The following CHRM2 variants were observed in gnomAD, a reference collection of about 807,000 sequenced individuals.
CHRM2 encodes the protein muscarinic acetylcholine receptor M2.
CHRM2 carries 8 observed loss-of-function variants against 25.0 expected under a neutral mutation model. The ratio of observed to expected loss-of-function variants is 0.32; its 90% CI spans 0.19 to 0.58. The LOEUF (loss-of-function observed/expected upper bound fraction) is 0.58. Among genes scored for constraint, CHRM2 ranks in the 20% least tolerant of loss-of-function variants. The pLI is 0.88. For synonymous variants in CHRM2, 202 were observed against 205.7 expected (o/e 0.98, Z 0.15); for missense variants, 440 against 567.1 (o/e 0.78, Z 2.28).
chr7:136,897,671 T>C (rs1331052697), intron 2 of CHRM2, among the ~76,000 whole-genome samples: 2 of 151,848 alleles, frequency 1.3e-5, no homozygotes, highest in African/African-American at 4.8e-5. Context: ...CGAGCCATTT[T>C]TAGCAAGCAT....
chr7:136,872,292 A>G (rs764718105), intron 2 of CHRM2, among the ~76,000 whole-genome samples: 3 of 152,226 alleles, frequency 2.0e-5, no homozygotes, highest in Non-Finnish European at 4.4e-5. Flanking sequence ...AAGGGAACCC[A>G]AAGAGCATGT....
At chr7:136,941,307 C>T (rs1057286497) in intron 2 of CHRM2, among the ~76,000 whole-genome samples, 1 of 152,166 alleles carries the variant, frequency 6.6e-6, no homozygotes, top group Non-Finnish European at 1.5e-5. Context: ...AGAGTCATTA[C>T]TTTTAGAACC....
chr7:136,930,898 C>CAAAAAAAAAAAAAAAAAAAAAAA (rs57705639), intron 2 of CHRM2, among the ~76,000 whole-genome samples: 8 of 61,150 alleles, frequency 1.3e-4, no homozygotes, highest in Non-Finnish European at 2.2e-4. Context: ...CTCATTCTCT[C>CAAAAAAAAAAAAAAAAAAAAAAA]AAAAAAAAAA....
intron 2 of CHRM2, among the ~76,000 whole-genome samples, chr7:136,965,874 C>T (rs1801382834): frequency 6.6e-6 from 1 of 151,692 alleles, no homozygotes; most frequent in South Asian, 2.1e-4. Context: ...GGGAATACAC[C>T]TAAATGAGCC....
intron 2 of CHRM2, among the ~76,000 whole-genome samples, chr7:136,962,593 T>A (rs1801169658): frequency 1.3e-5 from 2 of 152,220 alleles, no homozygotes; most frequent in Admixed American, 1.3e-4. Flanking sequence ...ACTGTCCACT[T>A]AATTGAAAGT....
intron 2 of CHRM2, among the ~76,000 whole-genome samples, chr7:136,982,782 T>C (rs324619): frequency 0.85 from 129,150 of 152,136 alleles, 55,733 homozygotes; most frequent in Middle Eastern, 0.97. Flanking sequence ...CACTCTCTTC[T>C]GGCTTGTAGG....
At chr7:136,995,844 T>C (rs1803562252) in intron 3 of CHRM2, among the ~76,000 whole-genome samples, 1 of 151,792 alleles carries the variant, frequency 6.6e-6, no homozygotes, top group Non-Finnish European at 1.5e-5. Flanking sequence ...TCTAAAGTCA[T>C]ATAAATTAGC....
intron 2 of CHRM2, chr7:136,871,890 C>T: frequency 6.6e-6 from 1 of 152,048 alleles, no homozygotes; most frequent in East Asian, 1.9e-4. Context: ...AAATTAATGC[C>T]AGGTGAATTA....
chr7:136,950,989 TG>T (rs1046678504), intron 2 of CHRM2: 2 of 152,338 alleles, frequency 1.3e-5, no homozygotes, highest in African/African-American at 4.8e-5. Context: ...TTTATTTTTT[TG>T]CATATTGCCT....
intron 2 of CHRM2, among the ~76,000 whole-genome samples, chr7:136,892,271 G>C (rs1796721274): frequency 6.6e-6 from 1 of 152,166 alleles, no homozygotes; most frequent in Admixed American, 6.5e-5. Flanking sequence ...CTTGATACAT[G>C]AATTGAGAAT....
At chr7:136,946,013 C>T (rs1800052673) in intron 2 of CHRM2, among the ~76,000 whole-genome samples, 1 of 152,068 alleles carries the variant, frequency 6.6e-6, no homozygotes, top group African/African-American at 2.4e-5. Flanking sequence ...GAGAACCAGA[C>T]TAGGGACTGC....
chr7:136,893,026 TTCTC>T (rs904654432), intron 2 of CHRM2, among the ~76,000 whole-genome samples: 3 of 152,066 alleles, frequency 2.0e-5, no homozygotes, highest in Admixed American at 6.6e-5. Flanking sequence ...TCTTCTCTTG[TTCTC>T]TCTCTCTTGT....
chr7:136,960,452 T>C (rs1466076844), intron 2 of CHRM2, among the ~76,000 whole-genome samples: 1 of 152,230 alleles, frequency 6.6e-6, no homozygotes, highest in Non-Finnish European at 1.5e-5. Context: ...GAACATCCTA[T>C]TCACTCATTC....
intron 3 of CHRM2, 47 bp downstream of exon 3, chr7:136,992,311 A>T (rs544621415): frequency 6.6e-6 from 1 of 152,170 alleles, no homozygotes; most frequent in Non-Finnish European, 1.5e-5. Context: ...ACATTTATAG[A>T]CAAAACATTA....
At chr7:136,929,280 T>C (rs1798923502) in intron 2 of CHRM2, among the ~76,000 whole-genome samples, 1 of 151,898 alleles carries the variant, frequency 6.6e-6, no homozygotes, top group Admixed American at 6.6e-5. Context: ...TTCTTTTTTT[T>C]TTTAATGAAC....
chr7:136,905,158 T>C (rs1005934999), intron 2 of CHRM2, among the ~76,000 whole-genome samples: 2 of 151,860 alleles, frequency 1.3e-5, no homozygotes, highest in African/African-American at 4.8e-5. Flanking sequence ...GTCTTACAAA[T>C]TTCTAATTTT....
chr7:136,884,482 T>A (rs369686748), intron 2 of CHRM2, among the ~76,000 whole-genome samples: 1 of 148,538 alleles, frequency 6.7e-6, no homozygotes, highest in Non-Finnish European at 1.5e-5. Context: ...CAAAATGAAA[T>A]GCCTTTTTTT....
intron 2 of CHRM2, among the ~76,000 whole-genome samples, chr7:136,904,478 T>C (rs1324814842): frequency 6.6e-6 from 1 of 151,864 alleles, no homozygotes; most frequent in Non-Finnish European, 1.5e-5. Context: ...TTCTCCAAAT[T>C]TATCTTTCCT....
intron 2 of CHRM2, among the ~76,000 whole-genome samples, chr7:136,950,574 G>A: frequency 6.6e-6 from 1 of 152,054 alleles, no homozygotes; most frequent in Admixed American, 6.6e-5. Context: ...TCCACTGTAG[G>A]AATTGAAATT....
Sources: gnomAD v4.1 joint callset for allele counts (sites outside exome capture counted in the v4.1 genomes callset) on GRCh38, gnomAD v4.1.1 for gene constraint, MANE v1.5 for transcripts, NCBI Gene and HGNC (gene_info 2026-07-23, HGNC 2026-07-21) for gene names.